Variants in PUM2 observed in about 807,000 individuals in gnomAD.
PUM2 encodes pumilio homolog 2.
A neutral mutation model predicts 124.5 loss-of-function variants in PUM2; 57 were observed. The ratio of observed to expected loss-of-function variants is 0.46; its 90% confidence interval spans 0.37 to 0.57. The LOEUF is 0.57. Ranked by LOEUF, PUM2 falls within the 20% of genes least tolerant of loss-of-function variation. The pLI, the probability that PUM2 is intolerant of heterozygous loss-of-function variation, is 0.00. For missense variants in PUM2, 1,065 were observed against 1,290.6 expected, an observed-to-expected ratio of 0.83 and a Z score of 2.68; for synonymous variants, 460 against 446.1, an observed-to-expected ratio of 1.03 and a Z score of -0.39.
In PUM2 at chr2:20,320,421, C is replaced by G. The variant is rs867185934; in HGVS notation, c.52-1776G>C. ...ACAGCTAAAAAGGTAAATGGTACTG[C>G]TATTGACCACAATAGGAAAACAACA... On this transcript the variant is annotated intron_variant, in intron 2 of 20. Coordinates refer to ENST00000361078, the MANE Select transcript of PUM2 (RefSeq NM_015317.5). Among the ~76,000 whole-genome samples, 115 of 152,144 alleles carry G rather than the reference C, an allele frequency of 7.6e-4. 1 individual carries two copies. Among genetic ancestry groups the G allele is most frequent in the African/African-American group, 2.7e-3 (113 of 41,488 alleles).
intron 7 of PUM2, among the ~76,000 whole-genome samples, chr2:20,300,541 T>G (rs527717992): frequency 1.3e-5 from 2 of 152,308 alleles, no homozygotes; most frequent in East Asian, 3.9e-4. Flanking sequence ...TTATACTTTC[T>G]GTGAAGAAAA....
At chr2:20,297,806 A>G in intron 7 of PUM2, 128 bp from the exon 8 acceptor site, 1 of 898,472 alleles carries the variant, frequency 1.1e-6, no homozygotes. Flanking sequence ...ATAATGGTTC[A>G]AATTTTTACT....
At chr2:20,267,528 T>A (rs1328855805) in intron 13 of PUM2, among the ~76,000 whole-genome samples, 1 of 152,234 alleles carries the variant, frequency 6.6e-6, no homozygotes, top group Non-Finnish European at 1.5e-5. Context: ...GTCATCCATA[T>A]TCATACTTCT....
At chr2:20,334,825 T>C (rs969742259) in intron 1 of PUM2, among the ~76,000 whole-genome samples, 7 of 152,220 alleles carry the variant, frequency 4.6e-5, no homozygotes, top group African/African-American at 1.4e-4. Context: ...AGACTGTACC[T>C]TCCTTTTGCA....
chr2:20,265,727 G>C (rs1356676205), intron 13 of PUM2, among the ~76,000 whole-genome samples: 1 of 152,152 alleles, frequency 6.6e-6, no homozygotes, highest in Non-Finnish European at 1.5e-5. Context: ...CCTGATAAGA[G>C]TACTTGCTCT....
rs1309058212 is a variant in PUM2 at position 20,252,461 on chromosome 2, A to G, written c.3064-745T>C. ...AGTTGAAGAATGAATTTTAAAAATC[A>G]GAAGACCAAAACACTTTTACAGATG... On this transcript the variant is annotated intron_variant, in intron 20 of 20. Coordinates refer to ENST00000361078, the MANE Select transcript of PUM2 (RefSeq NM_015317.5). Among the ~76,000 whole-genome samples, 4 of 152,254 alleles carry G rather than the reference A, an allele frequency of 2.6e-5. No individual in the cohort carries two copies. In the East Asian group the frequency reaches 5.8e-4, roughly 22 times the overall value.
Position 20,274,957 on chromosome 2 carries a change from CAAAAAAAAAAAAA to C in PUM2, c.1957+3613_1957+3625del, listed in dbSNP as rs774985208. Reference sequence around the variant, plus strand: ...TTCTTCACAACAAGTGAAGTATCTCCAAAAAAAAAAAAAAAAAGATGCTTACTTCTATCCTAGA... The same window carrying C: ...TTCTTCACAACAAGTGAAGTATCTCCAAAAGATGCTTACTTCTATCCTAGA... On this transcript the variant is annotated intron_variant, in intron 13 of 20. Coordinates refer to ENST00000361078, the MANE Select transcript of PUM2 (RefSeq NM_015317.5). 9.5e-5 allele frequency among the ~76,000 whole-genome samples: 3 copies of C among 31,416 alleles called. No homozygotes were observed. The East Asian group carries it at 2.5e-3, about 26-fold the overall frequency. 20.6% of individuals were successfully genotyped at this position (31,416 alleles called of 152,430 possible). A position where few individuals can be genotyped will look rare whatever the true frequency, so the allele number is the denominator to read the frequency against.
intron 7 of PUM2, among the ~76,000 whole-genome samples, chr2:20,301,870 T>G (rs530463265): frequency 6.6e-6 from 1 of 152,330 alleles, no homozygotes; most frequent in Admixed American, 6.5e-5. Context: ...TGAGCCACTG[T>G]GCCCAGCCAC....
At chr2:20,326,175 T>C in intron 2 of PUM2, 1 of 1,134,068 alleles carries the variant, frequency 8.8e-7, no homozygotes, top group Non-Finnish European at 1.1e-6. Context: ...ATTTCTTCAA[T>C]TTTTCTTAGG....
At chr2:20,348,147 A>T (rs1435032586) in intron 1 of PUM2, among the ~76,000 whole-genome samples, 2 of 151,786 alleles carry the variant, frequency 1.3e-5, no homozygotes, top group Non-Finnish European at 2.9e-5. Flanking sequence ...ACACAGCAAG[A>T]CCTCACCTAT....
chr2:20,251,505 T>G lies in PUM2; in HGVS notation c.*80A>C. ...TAAAAAAAAATTGAAGATTCATAGT[T>G]GAGTTGTGTTTTGATAATTCACACA... On this transcript the variant is annotated 3_prime_UTR_variant, in exon 21 of 21. Coordinates refer to ENST00000361078, the MANE Select transcript of PUM2 (RefSeq NM_015317.5). 1.2e-5 allele frequency: 18 copies of G among 1,455,862 alleles called. No homozygotes were observed. The highest frequency in any genetic ancestry group is 1.6e-5 in the Non-Finnish European group (17 of 1,076,914). The allele number at this position is 1,455,862 out of a possible 1,614,324, so 90.2% of individuals were successfully genotyped here.
chr2:20,263,981 C>A (rs1006102209), intron 13 of PUM2, among the ~76,000 whole-genome samples: 6 of 151,730 alleles, frequency 4.0e-5, no homozygotes, highest in African/African-American at 1.5e-4. Context: ...TTTAAAAAGC[C>A]ACAATATTAG....
At chr2:20,313,179 A>T (rs1357363612) in intron 3 of PUM2, among the ~76,000 whole-genome samples, 1 of 152,256 alleles carries the variant, frequency 6.6e-6, no homozygotes, top group Non-Finnish European at 1.5e-5. Context: ...CTAAAACACC[A>T]AAAGCAATGG....
chr2:20,309,660 A>G (rs1342087021), intron 5 of PUM2, among the ~76,000 whole-genome samples: 2 of 152,146 alleles, frequency 1.3e-5, no homozygotes, highest in Admixed American at 6.5e-5. Flanking sequence ...CAGAGTAACT[A>G]TGCATTCACA....
At chr2:20,312,192 A>C (rs989438822) in intron 4 of PUM2, 44 bp downstream of exon 4, 26 of 1,485,316 alleles carry the variant, frequency 1.8e-5, no homozygotes, top group Non-Finnish European at 2.4e-5. Context: ...TAACCAAATA[A>C]CTCTCAAGCA....
At chr2:20,317,575 G>T (rs954341706) in intron 3 of PUM2, among the ~76,000 whole-genome samples, 2 of 151,972 alleles carry the variant, frequency 1.3e-5, no homozygotes, top group African/African-American at 4.8e-5. Context: ...ATTCTAGATT[G>T]GGGGGGTACA....
intron 13 of PUM2, among the ~76,000 whole-genome samples, chr2:20,270,079 G>A (rs1442338986): frequency 6.6e-6 from 1 of 152,036 alleles, no homozygotes; most frequent in Non-Finnish European, 1.5e-5. Flanking sequence ...ACCTCCTCTT[G>A]TGACTGATGG....
chr2:20,279,892 G>C (rs1671103966), intron 12 of PUM2, among the ~76,000 whole-genome samples: 1 of 152,038 alleles, frequency 6.6e-6, no homozygotes, highest in South Asian at 2.1e-4. Flanking sequence ...CTAAGCACTA[G>C]CCTCTTTTAA....
chr2:20,336,408 C>T (rs1686035451), intron 1 of PUM2, among the ~76,000 whole-genome samples: 1 of 151,640 alleles, frequency 6.6e-6, no homozygotes, highest in Non-Finnish European at 1.5e-5. Context: ...TGGTCTTGAA[C>T]TCCTGAACTC....
Sources: gnomAD v4.1 joint callset for allele counts (sites outside exome capture counted in the v4.1 genomes callset) on GRCh38, gnomAD v4.1.1 for gene constraint, MANE v1.5 for transcripts, NCBI Gene and HGNC (gene_info 2026-07-23, HGNC 2026-07-21) for gene names.